The following RSRC1 variants were observed in gnomAD, a reference collection of about 807,000 sequenced individuals.
RSRC1 encodes arginine and serine rich coiled-coil 1.
A neutral mutation model predicts 49.1 loss-of-function variants in RSRC1; 39 were observed. The observed-to-expected ratio is 0.79, with a 90% CI of 0.61 to 1.04. RSRC1 has a LOEUF of 1.04. RSRC1 is among the 50% of genes least tolerant of loss of function. RSRC1 has a pLI of 0.00. For synonymous variants in RSRC1, 143 were observed against 130.8 expected, an observed-to-expected ratio of 1.09 and a Z score of -0.63; for missense variants, 388 against 402.4, an observed-to-expected ratio of 0.96 and a Z score of 0.31.
chr3:158,216,146 T>C (rs1488847563), intron 4 of RSRC1, among the ~76,000 whole-genome samples: 2 of 151,604 alleles, frequency 1.3e-5, no homozygotes, highest in Non-Finnish European at 3.0e-5. Flanking sequence ...ATTGCGATTT[T>C]GCCATCACTT....
chr3:158,345,605 G>T (rs1039839401), intron 5 of RSRC1, among the ~76,000 whole-genome samples: 1 of 151,882 alleles, frequency 6.6e-6, no homozygotes, highest in Non-Finnish European at 1.5e-5. Context: ...AATTAGAAGA[G>T]CCAAAACTGC....
At chr3:158,405,175 CAG>C (rs1169040324) in intron 6 of RSRC1, among the ~76,000 whole-genome samples, 3 of 151,958 alleles carry the variant, frequency 2.0e-5, no homozygotes, top group African/African-American at 7.2e-5. Context: ...ATTATTAAAT[CAG>C]AAACTGAAAG....
intron 6 of RSRC1, among the ~76,000 whole-genome samples, chr3:158,421,022 G>T (rs141809521): frequency 2.0e-5 from 3 of 151,634 alleles, no homozygotes; most frequent in African/African-American, 4.8e-5. Flanking sequence ...ATATTCATTC[G>T]TTTTTTTTCT....
intron 5 of RSRC1, among the ~76,000 whole-genome samples, chr3:158,353,460 G>A (rs533707508): frequency 1.9e-4 from 29 of 152,304 alleles, no homozygotes; most frequent in Admixed American, 1.0e-3. Context: ...TAGGCACTAT[G>A]TAAACAAATG....
intron 6 of RSRC1, among the ~76,000 whole-genome samples, chr3:158,427,800 C>G (rs1344563676): frequency 1.3e-5 from 2 of 151,704 alleles, no homozygotes; most frequent in Non-Finnish European, 2.9e-5. Context: ...TAACATAATT[C>G]TATTGACTAC....
chr3:158,284,178 T>C, intron 4 of RSRC1, among the ~76,000 whole-genome samples: 1 of 151,882 alleles, frequency 6.6e-6, no homozygotes, highest in Non-Finnish European at 1.5e-5. Flanking sequence ...TTACTGAGAA[T>C]GATGATTTCC....
intron 3 of RSRC1, among the ~76,000 whole-genome samples, chr3:158,196,742 G>A (rs1049795444): frequency 1.3e-5 from 2 of 152,092 alleles, no homozygotes; most frequent in African/African-American, 4.8e-5. Context: ...GGCCTTTTCT[G>A]TGTGTATTGA....
chr3:158,139,265 G>T (rs1333044885), intron 3 of RSRC1, among the ~76,000 whole-genome samples: 2 of 152,034 alleles, frequency 1.3e-5, no homozygotes, highest in Non-Finnish European at 1.5e-5. Context: ...GCTGGGCCTG[G>T]TGACGGGTGC....
chr3:158,225,638 AT>A (rs765506669), intron 4 of RSRC1: 12 of 445,432 alleles, frequency 2.7e-5, no homozygotes, highest in African/African-American at 4.1e-5. Flanking sequence ...TTAATGAGTT[AT>A]TTGGGACTTT....
chr3:158,355,469 C>G (rs1318594888), intron 6 of RSRC1, among the ~76,000 whole-genome samples: 1 of 151,478 alleles, frequency 6.6e-6, no homozygotes, highest in Non-Finnish European at 1.5e-5. Flanking sequence ...TTTCATTGTT[C>G]TAAAGAAAAT....
intron 6 of RSRC1, among the ~76,000 whole-genome samples, chr3:158,365,896 CA>C (rs914947480): frequency 6.6e-6 from 1 of 151,748 alleles, no homozygotes; most frequent in African/African-American, 2.4e-5. Context: ...CTCTAATGAC[CA>C]TAGTGATGAT....
rs575330423 is a variant in RSRC1 at position 158,290,492 on chromosome 3, G to C, written c.495-7547G>C. 7.2e-5 allele frequency among the ~76,000 whole-genome samples: 11 copies of C among 152,126 alleles called. No individual in the cohort carries two copies. The South Asian group carries it at 1.7e-3, about 23-fold the overall frequency. On this transcript the variant is annotated intron_variant, in intron 4 of 9. Coordinates refer to ENST00000611884, the MANE Select transcript of RSRC1 (RefSeq NM_001271838.2). ...GGGTTTCATCGTGTTAGCCAGGATGGTCTCGATTTCCTGACCTCGTGATCC... is the reference window on the plus strand; with the variant it reads ...GGGTTTCATCGTGTTAGCCAGGATGCTCTCGATTTCCTGACCTCGTGATCC...
At chr3:158,127,647 T>C (rs1297293084) in intron 3 of RSRC1, among the ~76,000 whole-genome samples, 1 of 152,060 alleles carries the variant, frequency 6.6e-6, no homozygotes, top group African/African-American at 2.4e-5. Flanking sequence ...ACTGTTTTTA[T>C]TTCTTTGTCA....
At chr3:158,305,481 C>G (rs1172800281) in intron 5 of RSRC1, among the ~76,000 whole-genome samples, 1 of 151,952 alleles carries the variant, frequency 6.6e-6, no homozygotes, top group African/African-American at 2.4e-5. Flanking sequence ...ATATTGTATT[C>G]TTATTTTTGT....
intron 6 of RSRC1, among the ~76,000 whole-genome samples, chr3:158,431,647 TAAC>T (rs1735777225): frequency 2.0e-5 from 3 of 151,986 alleles, no homozygotes; most frequent in South Asian, 2.1e-4. Context: ...GTATGTTGCT[TAAC>T]AAGATTTCAC....
At chr3:158,230,183 C>G (rs928830570) in intron 4 of RSRC1, among the ~76,000 whole-genome samples, 8 of 151,974 alleles carry the variant, frequency 5.3e-5, no homozygotes, top group Admixed American at 2.0e-4. Context: ...TTGGGTTTGT[C>G]TAATGTTTCT....
chr3:158,135,428 C>G (rs1716310907), intron 3 of RSRC1, among the ~76,000 whole-genome samples: 1 of 151,396 alleles, frequency 6.6e-6, no homozygotes, highest in Non-Finnish European at 1.5e-5. Flanking sequence ...CACCACCACA[C>G]CCAGCTATTT....
chr3:158,328,865 C>G (rs1174820510), intron 5 of RSRC1, among the ~76,000 whole-genome samples: 1 of 152,200 alleles, frequency 6.6e-6, no homozygotes, highest in Non-Finnish European at 1.5e-5. Context: ...CCATCACTTT[C>G]AGGTACACCA....
At chr3:158,217,394 G>T (rs943581900) in intron 4 of RSRC1, among the ~76,000 whole-genome samples, 8 of 151,696 alleles carry the variant, frequency 5.3e-5, no homozygotes, top group Non-Finnish European at 8.8e-5. Flanking sequence ...TTTATAAAAT[G>T]TGAGGCATGG....
Sources: gnomAD v4.1 joint callset for allele counts (sites outside exome capture counted in the v4.1 genomes callset) on GRCh38, gnomAD v4.1.1 for gene constraint, MANE v1.5 for transcripts, NCBI Gene and HGNC (gene_info 2026-07-23, HGNC 2026-07-21) for gene names.